The following CD226 variants were observed in gnomAD, a reference collection of about 807,000 sequenced individuals.
The protein encoded by CD226 is CD226 antigen.
A neutral mutation model predicts 34.9 loss-of-function variants in CD226; 24 were observed. The observed-to-expected ratio is 0.69, with a 90% CI of 0.50 to 0.97. The LOEUF (loss-of-function observed/expected upper bound fraction) is 0.97, where lower values mean the gene tolerates loss of function less well. CD226 is among the 50% of genes least tolerant of loss of function. The pLI is 0.00. For missense variants in CD226, 397 were observed against 412.7 expected (o/e 0.96, Z 0.33); for synonymous variants, 148 against 147.4 (o/e 1.00, Z -0.03).
Position 69,861,027 on chromosome 18 carries a change from GT to G in CD226, c.*3286del, listed in dbSNP as rs1479714330. The G allele has an allele frequency of 6.6e-6, 1 of 152,012 alleles. No individual in the cohort carries two copies. Among genetic ancestry groups the G allele is most frequent in the African/African-American group, 2.4e-5 (1 of 41,428 alleles). 9.4% of individuals were successfully genotyped at this position (152,012 alleles called of 1,614,324 possible). A position where few individuals can be genotyped will look rare whatever the true frequency, so the allele number is the denominator to read the frequency against. On this transcript the variant is annotated 3_prime_UTR_variant, in exon 6 of 6. Transcript: ENST00000582621. ...TTTAGAAAACTACTGTTATACAGCT[GT>G]AATTTTTACTTAATGCCATTCTATA...
chr18:69,872,561 T>TA (rs1372572590), intron 4 of CD226, among the ~76,000 whole-genome samples: 3 of 152,102 alleles, frequency 2.0e-5, no homozygotes, highest in East Asian at 1.9e-4. Flanking sequence ...AATAAAAGAT[T>TA]AAAAAAAATT....
At chr18:69,886,014 G>A (rs779822334) in intron 3 of CD226, among the ~76,000 whole-genome samples, 7 of 152,244 alleles carry the variant, frequency 4.6e-5, no homozygotes, top group East Asian at 1.9e-4. Context: ...GAAGAAGGAC[G>A]CTCTGTAGCT....
chr18:69,911,711 T>G (rs1263176552), intron 2 of CD226, among the ~76,000 whole-genome samples: 1 of 152,228 alleles, frequency 6.6e-6, no homozygotes, highest in Non-Finnish European at 1.5e-5. Flanking sequence ...CCCCATGTAT[T>G]ACTTTTTCAT....
At chr18:69,877,842 GA>G (rs1342889180) in intron 3 of CD226, among the ~76,000 whole-genome samples, 2 of 152,132 alleles carry the variant, frequency 1.3e-5, no homozygotes, top group Non-Finnish European at 2.9e-5. Context: ...TTTTTCTTAA[GA>G]AATAAAGGTG....
At chr18:69,918,991 G>A (rs1324979060) in intron 2 of CD226, among the ~76,000 whole-genome samples, 1 of 152,184 alleles carries the variant, frequency 6.6e-6, no homozygotes, top group African/African-American at 2.4e-5. Context: ...TGGGGGCCAT[G>A]GGCCCTCCCA....
intron 2 of CD226, among the ~76,000 whole-genome samples, chr18:69,927,486 ACT>A (rs1050659659): frequency 2.6e-5 from 4 of 151,670 alleles, no homozygotes; most frequent in African/African-American, 4.8e-5. Flanking sequence ...AATTTTCAGA[ACT>A]CTTTTTATCT....
intron 2 of CD226, among the ~76,000 whole-genome samples, chr18:69,919,311 C>G (rs762302755): frequency 1.3e-5 from 2 of 152,126 alleles, no homozygotes; most frequent in Admixed American, 6.5e-5. Context: ...TTTAAACATT[C>G]CAGAAACGCT....
At chr18:69,911,691 C>A in intron 2 of CD226, among the ~76,000 whole-genome samples, 1 of 152,222 alleles carries the variant, frequency 6.6e-6, no homozygotes, top group African/African-American at 2.4e-5. Context: ...CTTTTCACCA[C>A]ACTTATCTGC....
chr18:69,917,852 A>G (rs1323035606), intron 2 of CD226, among the ~76,000 whole-genome samples: 2 of 152,222 alleles, frequency 1.3e-5, no homozygotes, highest in African/African-American at 2.4e-5. Context: ...ATGCTTTGAG[A>G]TCACAGAGGG....
intron 2 of CD226, among the ~76,000 whole-genome samples, chr18:69,936,183 A>T (rs573196871): frequency 1.1e-4 from 16 of 152,308 alleles, no homozygotes; most frequent in South Asian, 2.1e-4. Context: ...TCAATTGTGT[A>T]TATAAATTTA....
At chr18:69,953,754 C>T (rs549000573) in intron 1 of CD226, among the ~76,000 whole-genome samples, 8 of 152,220 alleles carry the variant, frequency 5.3e-5, no homozygotes, top group Admixed American at 3.9e-4. Flanking sequence ...AATCCCAGTA[C>T]TTTGGGAGGC....
rs1260369612 is a variant in CD226, at chr18:69,856,092, TTTAAAA to T, written c.*8216_*8221del. 5 of 152,132 alleles carry T rather than the reference TTTAAAA, an allele frequency of 3.3e-5. No homozygotes were observed. The highest frequency in any genetic ancestry group is 2.6e-4 in the Admixed American group (4 of 15,276). 9.4% of individuals were successfully genotyped at this position (152,132 alleles called of 1,614,324 possible). A position where few individuals can be genotyped will look rare whatever the true frequency, so the allele number is the denominator to read the frequency against. On this transcript the variant is annotated 3_prime_UTR_variant, in exon 6 of 6. Transcript: ENST00000582621. ...ACATTAAATATAAATATTTAGATAA[TTTAAAA>T]TTAAAAGGATAAAGATGTGAGATGC...
intron 4 of CD226, among the ~76,000 whole-genome samples, chr18:69,872,425 A>T (rs1384002082): frequency 1.3e-5 from 2 of 151,924 alleles, no homozygotes; most frequent in Non-Finnish European, 2.9e-5. Flanking sequence ...TTAATTTTTA[A>T]TTTTTGTTAT....
At chr18:69,923,884 G>A (rs1292566951) in intron 2 of CD226, among the ~76,000 whole-genome samples, 14 of 150,882 alleles carry the variant, frequency 9.3e-5, no homozygotes, top group African/African-American at 1.2e-4. Flanking sequence ...AACCCAGGAG[G>A]CGGAGCTTGC....
chr18:69,916,366 T>C (rs1227549464), intron 2 of CD226, among the ~76,000 whole-genome samples: 2 of 152,180 alleles, frequency 1.3e-5, no homozygotes, highest in Non-Finnish European at 2.9e-5. Flanking sequence ...ACATTGACCA[T>C]CTAACCATCC....
At chr18:69,897,558 A>G (rs1033470873) in intron 2 of CD226, among the ~76,000 whole-genome samples, 17 of 152,152 alleles carry the variant, frequency 1.1e-4, no homozygotes, top group East Asian at 1.9e-4. Context: ...CACTTCAACT[A>G]TGTGACAGTT....
chr18:69,896,184 T>TTG, intron 2 of CD226, 139 bp from the exon 3 acceptor site: 1 of 1,386,880 alleles, frequency 7.2e-7, no homozygotes, highest in South Asian at 1.6e-5. Context: ...TATACTACTT[T>TTG]TTTTTTTTTT....
In CD226 at chr18:69,944,149, G is replaced by A. The variant is rs933178104; in HGVS notation, c.382+2585C>T. 3.3e-5 allele frequency among the ~76,000 whole-genome samples: 5 copies of A among 152,158 alleles called. 1 individual carries two copies. In the East Asian group the frequency reaches 7.7e-4, roughly 24 times the overall value. Reference sequence around the variant, plus strand: ...TTTTTTAAACTCACTATCATTCTTAGTTTAAAAAAGTGAAGCTCTCAAACT... The same window carrying A: ...TTTTTTAAACTCACTATCATTCTTAATTTAAAAAAGTGAAGCTCTCAAACT... On this transcript the variant is annotated intron_variant, in intron 2 of 5. Transcript: ENST00000582621.
At chr18:69,943,916 C>T (rs1245484427) in intron 2 of CD226, among the ~76,000 whole-genome samples, 1 of 151,486 alleles carries the variant, frequency 6.6e-6, no homozygotes, top group Non-Finnish European at 1.5e-5. Context: ...CCAACTCCTT[C>T]ATCCTTCTGA....
Sources: allele counts gnomAD v4.1 joint callset (sites outside exome capture counted in the v4.1 genomes callset), GRCh38; gene constraint gnomAD v4.1.1; transcripts MANE v1.5; gene names NCBI Gene and HGNC (gene_info 2026-07-23, HGNC 2026-07-21).